NWD1: variants seen among roughly 807,000 people sequenced by gnomAD.
NWD1 encodes the protein NACHT and WD repeat domain containing 1.
NWD1 carries 129 observed loss-of-function variants against 135.1 expected under a neutral mutation model. The ratio of observed to expected loss-of-function variants is 0.96; its 90% CI spans 0.83 to 1.11. The LOEUF (loss-of-function observed/expected upper bound fraction) is 1.11. NWD1 is among the 50% of genes least tolerant of loss of function. The pLI, the probability that NWD1 is intolerant of heterozygous loss-of-function variation, is 0.00. For synonymous variants in NWD1, 773 were observed against 786.0 expected, an observed-to-expected ratio of 0.98 and a Z score of 0.28; for missense variants, 1,740 against 1,851.3, an observed-to-expected ratio of 0.94 and a Z score of 1.10.
At chr19:16,730,907 CTTTCT>C (rs1283705758) in intron 2 of NWD1, among the ~76,000 whole-genome samples, 2 of 109,316 alleles carry the variant, frequency 1.8e-5, no homozygotes, top group African/African-American at 7.4e-5. Context: ...ATTTTTCTTT[CTTTCT>C]TTTTTTTTTT....
chr19:16,764,954 G>GGA (rs763433638), intron 9 of NWD1, 80 bp from the exon 10 acceptor site: 5 of 1,467,172 alleles, frequency 3.4e-6, no homozygotes, highest in Non-Finnish European at 4.7e-6. Context: ...TGGAGGAAAT[G>GGA]GAGAGATGAT....
At chr19:16,805,667 A>G (rs1011541587) in intron 17 of NWD1, among the ~76,000 whole-genome samples, 2 of 151,984 alleles carry the variant, frequency 1.3e-5, no homozygotes, top group African/African-American at 4.8e-5. Context: ...TCACCCTGCA[A>G]CCAGCAAACA....
intron 14 of NWD1, among the ~76,000 whole-genome samples, chr19:16,793,751 A>G (rs982482030): frequency 6.6e-6 from 1 of 150,720 alleles, no homozygotes; most frequent in African/African-American, 2.4e-5. Context: ...TAATTTTTGT[A>G]TTTTTAGTAG....
rs1968497060 is a variant in NWD1 at position 16,749,921 on chromosome 19, A to T, written c.1279A>T (p.Arg427Ter). The change falls in exon 6 of 19, where the codon AGA becomes TGA. Residue 427 changes from arginine (R) to a stop codon, truncating the protein, a stop_gained. Transcript: ENST00000524140. LOFTEE classifies it high-confidence loss of function. The part of the protein sequence containing the change: ...FHTLLHTVSC[R>*]NFESLVLLLD... ...TACCCTCCTCCACACTGTCTCTTGCAGAAACTTCGAGTCTCTCGTGCTCCT... is the reference window on the plus strand; with the variant it reads ...TACCCTCCTCCACACTGTCTCTTGCTGAAACTTCGAGTCTCTCGTGCTCCT... The T allele has an allele frequency of 1.9e-6, 3 of 1,613,492 alleles. No individual in the cohort carries two copies. Among genetic ancestry groups the T allele is most frequent in the Non-Finnish European group, 2.5e-6 (3 of 1,180,024 alleles).
chr19:16,791,086 T>C (rs1320034489), intron 13 of NWD1, among the ~76,000 whole-genome samples: 1 of 151,714 alleles, frequency 6.6e-6, no homozygotes, highest in African/African-American at 2.4e-5. Context: ...AATTTAAAAA[T>C]AGCCAGGCAT....
chr19:16,740,973 A>G (rs1968055093), intron 4 of NWD1, among the ~76,000 whole-genome samples: 2 of 152,094 alleles, frequency 1.3e-5, no homozygotes. Context: ...AGCCTGGCCA[A>G]CATGGCGAAA....
rs1013979462 is a variant in NWD1 at position 16,763,771 on chromosome 19, C to T, written c.2134-57C>T. On this transcript the variant is annotated intron_variant, in intron 8 of 18. Transcript: ENST00000524140. ...CATGAGGTGAATGAATGGGCTTGTG[C>T]GTGGAGTGAATGAATGGGTTTGTGT... 23 of 1,062,626 alleles carry T rather than the reference C, an allele frequency of 2.2e-5. No individual in the cohort carries two copies. The Admixed American group carries it at 2.2e-4, about 10-fold the overall frequency. The allele number at this position is 1,062,626 out of a possible 1,614,324, so 65.8% of individuals were successfully genotyped here. A position where few individuals can be genotyped will look rare whatever the true frequency, so the allele number is the denominator to read the frequency against.
At chr19:16,805,724 C>G (rs543716968) in intron 17 of NWD1, among the ~76,000 whole-genome samples, 10 of 152,168 alleles carry the variant, frequency 6.6e-5, no homozygotes, top group Non-Finnish European at 1.3e-4. Flanking sequence ...CCTGCCAACC[C>G]CCAGAGCTTT....
At chr19:16,757,287 A>G (rs1469258670) in intron 6 of NWD1, among the ~76,000 whole-genome samples, 2 of 151,896 alleles carry the variant, frequency 1.3e-5, no homozygotes, top group African/African-American at 4.8e-5. Flanking sequence ...GACCCCAAAC[A>G]TCAACCATGC....
At chr19:16,769,281 G>A (rs1969332163) in intron 10 of NWD1, among the ~76,000 whole-genome samples, 1 of 151,912 alleles carries the variant, frequency 6.6e-6, no homozygotes, top group African/African-American at 2.4e-5. Context: ...GGCCAACAGG[G>A]TGAAACCCCA....
intron 15 of NWD1, among the ~76,000 whole-genome samples, chr19:16,794,765 T>A (rs1000248358): frequency 6.6e-6 from 1 of 152,200 alleles, no homozygotes; most frequent in Non-Finnish European, 1.5e-5. Flanking sequence ...TAAACTAGCA[T>A]AGACACTATT....
Position 16,815,413 on chromosome 19 carries a change from C to T in NWD1, c.*374C>T, listed in dbSNP as rs199586141. ...TAATCTAGTTAAAGCAAAAAGAATA[C>T]GTTTGCTGGTGTATATCTGGACCCA... On this transcript the variant is annotated 3_prime_UTR_variant, in exon 19 of 19. Coordinates refer to ENST00000524140, the MANE Select transcript of NWD1 (RefSeq NM_001007525.5). 159 of 623,260 alleles carry T rather than the reference C, an allele frequency of 2.6e-4. 1 individual carries two copies. Among genetic ancestry groups the T allele is most frequent in the East Asian group, 2.2e-3 (81 of 36,784 alleles). The allele number at this position is 623,260 out of a possible 1,614,324, so 38.6% of individuals were successfully genotyped here.
rs922809485 is a variant in NWD1 at position 16,784,932 on chromosome 19, C to CA, written c.2732-4039dup. 5.9e-3 allele frequency among the ~76,000 whole-genome samples: 798 copies of CA among 135,272 alleles called. 3 individuals carry two copies. Among genetic ancestry groups the CA allele is most frequent in the Middle Eastern group, 0.011 (3 of 266 alleles). 88.7% of individuals were successfully genotyped at this position (135,272 alleles called of 152,430 possible). On this transcript the variant is annotated intron_variant, in intron 12 of 18. Transcript: ENST00000524140. ...CGATGACAGAGTGAGACTCCGTCTC[C>CA]AAAAAAAAAAACAACAAAACAACAA...
At chr19:16,731,307 CT>C in intron 3 of NWD1, 29 bp downstream of exon 3, 22 of 1,383,712 alleles carry the variant, frequency 1.6e-5, no homozygotes, top group African/African-American at 2.9e-5. Context: ...GGGCTCCATG[CT>C]TTTTTTATTT....
At chr19:16,805,409 G>A (rs904821527) in intron 17 of NWD1, among the ~76,000 whole-genome samples, 4 of 151,870 alleles carry the variant, frequency 2.6e-5, no homozygotes, top group South Asian at 4.2e-4. Flanking sequence ...GCCCAGGGTG[G>A]TCTTGACCTC....
chr19:16,807,839 G>A lies in NWD1; in HGVS notation c.3990G>A (p.Gly1330=), dbSNP rs1970800008. The A allele has an allele frequency of 6.2e-7, 1 of 1,613,982 alleles. No individual in the cohort carries two copies. The highest frequency in any genetic ancestry group is 1.3e-5 in the African/African-American group (1 of 74,906). ...TCCTGGTGCTGGACATCACCTCCGGGGACCCCTGCCCGGTCATCGATGGGC... is the reference window on the plus strand; with the variant it reads ...TCCTGGTGCTGGACATCACCTCCGGAGACCCCTGCCCGGTCATCGATGGGC... ...NIVLVLDITS[G]DPCPVIDGPR... is the part of the protein sequence containing the mutation. The change falls in exon 18 of 19, where the codon GGG becomes GGA. Residue 1330 remains glycine (G), a synonymous_variant. Transcript: ENST00000524140.
Position 16,791,357 on chromosome 19 carries a change from C to T in NWD1, c.2948C>T (p.Ala983Val). ...VYSASGSKIN[A>V]WNLETAEPVF... ...TCTTCATTATTCTATTAGATCAATG[C>T]TTGGAATCTGGAAACTGCAGAGCCG... Residue 983 changes from alanine to valine, a missense_variant, in exon 14 of 19, where the codon GCT becomes GTT. Coordinates refer to ENST00000524140, the MANE Select transcript of NWD1 (RefSeq NM_001007525.5). 6 of 1,613,570 alleles carry T rather than the reference C, an allele frequency of 3.7e-6. No individual in the cohort carries two copies. The highest frequency in any genetic ancestry group is 5.1e-6 in the Non-Finnish European group (6 of 1,179,748).
intron 13 of NWD1, among the ~76,000 whole-genome samples, chr19:16,789,707 CCTCT>C (rs905428524): frequency 2.7e-5 from 4 of 147,056 alleles, no homozygotes; most frequent in Non-Finnish European, 5.9e-5. Context: ...CTCTCTCTCT[CCTCT>C]CTCTCTTTTT....
intron 13 of NWD1, among the ~76,000 whole-genome samples, chr19:16,790,192 A>G (rs1599537441): frequency 6.6e-6 from 1 of 152,072 alleles, no homozygotes; most frequent in South Asian, 2.1e-4. Context: ...AAAAATCTTT[A>G]TTTAACTACC....
Sources: allele counts gnomAD v4.1 joint callset (sites outside exome capture counted in the v4.1 genomes callset), GRCh38; gene constraint gnomAD v4.1.1; transcripts MANE v1.5; gene names NCBI Gene and HGNC (gene_info 2026-07-23, HGNC 2026-07-21).